MTMR3: variants seen among roughly 807,000 people sequenced by gnomAD.
MTMR3 encodes the protein myotubularin related protein 3.
MTMR3 carries 32 observed loss-of-function variants against 132.4 expected under a neutral mutation model. The ratio of observed to expected loss-of-function variants is 0.24; its 90% CI spans 0.18 to 0.32. The LOEUF (loss-of-function observed/expected upper bound fraction) is 0.32, where lower values mean the gene tolerates loss of function less well. Among genes scored for constraint, MTMR3 ranks in the 10% least tolerant of loss-of-function variants. The pLI is 1.00. For synonymous variants in MTMR3, 556 were observed against 550.3 expected (o/e 1.01, Z -0.14); for missense variants, 1,216 against 1,489.6 (o/e 0.82, Z 3.02).
chr22:29,883,386 C>G (rs1357292432), intron 1 of MTMR3, 27 bp downstream of exon 1: 1 of 156,612 alleles, frequency 6.4e-6, no homozygotes, highest in African/African-American at 2.4e-5. Flanking sequence ...CGTCCTCCGT[C>G]TCCTCGGCGG....
rs542647478 is a variant in MTMR3 at position 30,028,895 on chromosome 22, A to T, written c.*3094A>T. The T allele has an allele frequency of 1.6e-4, 25 of 152,512 alleles. No homozygotes were observed. The highest frequency in any genetic ancestry group is 6.0e-4 in the African/African-American group (25 of 41,584). 9.4% of individuals were successfully genotyped at this position (152,512 alleles called of 1,614,324 possible). A position where few individuals can be genotyped will look rare whatever the true frequency, so the allele number is the denominator to read the frequency against. ...CAGGCAGCCCAGTCTGTGTATTCATATGAAGTTGTGAAAACCATGAGTGTG... is the reference window on the plus strand; with the variant it reads ...CAGGCAGCCCAGTCTGTGTATTCATTTGAAGTTGTGAAAACCATGAGTGTG... On this transcript the variant is annotated 3_prime_UTR_variant, in exon 20 of 20. Coordinates refer to ENST00000401950, the MANE Select transcript of MTMR3 (RefSeq NM_021090.4).
chr22:29,929,803 C>T (rs150130874), intron 1 of MTMR3, among the ~76,000 whole-genome samples: 24 of 152,234 alleles, frequency 1.6e-4, no homozygotes, highest in Non-Finnish European at 1.2e-4. Flanking sequence ...TGAGCCACCG[C>T]GCCCGGCCTC....
At chr22:30,012,942 G>A in intron 13 of MTMR3, 1 of 197,188 alleles carries the variant, frequency 5.1e-6, no homozygotes, top group Non-Finnish European at 1.0e-5. Flanking sequence ...GGTTAAAGAT[G>A]AAAGAAAAAT....
intron 3 of MTMR3, among the ~76,000 whole-genome samples, chr22:29,972,634 G>A (rs2066557624): frequency 6.6e-6 from 1 of 152,106 alleles, no homozygotes; most frequent in South Asian, 2.1e-4. Flanking sequence ...GCAGTGGTGC[G>A]ATCTCGGCTC....
intron 1 of MTMR3, among the ~76,000 whole-genome samples, chr22:29,909,491 A>G (rs2065165720): frequency 6.6e-6 from 1 of 152,150 alleles, no homozygotes; most frequent in African/African-American, 2.4e-5. Flanking sequence ...TGACTTGGGC[A>G]AGTTACCTTA....
chr22:29,921,562 A>G (rs1343124662), intron 1 of MTMR3, among the ~76,000 whole-genome samples: 3 of 152,148 alleles, frequency 2.0e-5, no homozygotes, highest in Admixed American at 2.0e-4. Flanking sequence ...TTTGAATTGT[A>G]CAGTTTTCTG....
intron 1 of MTMR3, among the ~76,000 whole-genome samples, chr22:29,950,449 C>T (rs1289959099): frequency 2.0e-5 from 3 of 151,872 alleles, no homozygotes; most frequent in Admixed American, 6.6e-5. Context: ...CTGCAACCTC[C>T]GCCTCCTGGG....
chr22:29,966,952 T>C (rs1263392285), intron 2 of MTMR3, among the ~76,000 whole-genome samples: 1 of 152,184 alleles, frequency 6.6e-6, no homozygotes, highest in African/African-American at 2.4e-5. Context: ...TTTATATGTT[T>C]CTTACATTCC....
intron 5 of MTMR3, chr22:29,981,025 C>T (rs1396248756): frequency 1.3e-5 from 2 of 152,242 alleles, no homozygotes; most frequent in African/African-American, 2.4e-5. Context: ...TTCTGTTCAT[C>T]TGTCAAAATT....
At chr22:29,932,658 A>T (rs2065669203) in intron 1 of MTMR3, among the ~76,000 whole-genome samples, 1 of 152,232 alleles carries the variant, frequency 6.6e-6, no homozygotes, top group Admixed American at 6.5e-5. Context: ...GAAAATAATG[A>T]AAAAGCAAAA....
chr22:29,903,366 G>T (rs114149622), intron 1 of MTMR3, among the ~76,000 whole-genome samples: 2 of 148,556 alleles, frequency 1.3e-5, no homozygotes, highest in East Asian at 2.0e-4. Context: ...CAGTGTTTTT[G>T]ATTTTCTTTT....
At chr22:29,933,561 A>T (rs972075125) in intron 1 of MTMR3, among the ~76,000 whole-genome samples, 1 of 152,132 alleles carries the variant, frequency 6.6e-6, no homozygotes, top group African/African-American at 2.4e-5. Flanking sequence ...ATTAAAATGC[A>T]TCTTGCTGGC....
Position 30,020,691 on chromosome 22 carries a change from C to T in MTMR3, c.3032C>T (p.Ser1011Phe). The T allele has an allele frequency of 6.2e-7, 1 of 1,614,242 alleles. No individual in the cohort carries two copies. Among genetic ancestry groups the T allele is most frequent in the Non-Finnish European group, 8.5e-7 (1 of 1,180,052 alleles). The part of the protein sequence containing the change: ...PSATSSPDQP[S>F]RSHLDDDGMS... The stretch of plus-strand genomic sequence containing the variant: ...GCAACCAGCAGCCCCGACCAGCCTT[C>T]CCGCAGCCACCTGGACGATGATGGC... The change falls in exon 17 of 20, where the codon TCC (serine) becomes TTC (phenylalanine). Residue 1011 changes from serine (S) to phenylalanine (F), a missense_variant. By Grantham distance (155) the Ser-to-Phe change is radical. This residue lies in a region of MTMR3 where 852 missense variants were observed against 852.0 expected (regional missense o/e 1.00). Coordinates refer to ENST00000401950, the MANE Select transcript of MTMR3 (RefSeq NM_021090.4).
intron 2 of MTMR3, among the ~76,000 whole-genome samples, chr22:29,967,941 G>GTA (rs940425147): frequency 1.4e-4 from 21 of 149,724 alleles, no homozygotes; most frequent in Non-Finnish European, 3.0e-4. Flanking sequence ...GTGTGTGTGT[G>GTA]TGTGTATTTT....
chr22:29,906,314 ATCTATCTATCTATCTATCTG>A lies in MTMR3; in HGVS notation c.-138+22973_-138+22992del, dbSNP rs1568998496. Reference sequence around the variant, plus strand: ...TATCTATCTATCTATCTATCTATCTATCTATCTATCTATCTATCTGTCTATCTATCTATCTATGACGGAGT... The same window carrying A: ...TATCTATCTATCTATCTATCTATCTATCTATCTATCTATCTATGACGGAGT... On this transcript the variant is annotated intron_variant, in intron 1 of 19. Transcript: ENST00000401950. 8.3e-3 allele frequency among the ~76,000 whole-genome samples: 1,054 copies of A among 127,086 alleles called. 11 individuals carry two copies. Among genetic ancestry groups the A allele is most frequent in the African/African-American group, 0.027 (1,020 of 37,992 alleles). 83.4% of individuals were successfully genotyped at this position (127,086 alleles called of 152,430 possible).
intron 19 of MTMR3, chr22:30,023,634 A>G (rs2067826659): frequency 2.2e-6 from 2 of 929,930 alleles, no homozygotes; most frequent in East Asian, 2.5e-5. Flanking sequence ...AGGGGATTCA[A>G]AGCAGCTGAG....
chr22:29,941,622 TTGTGG>T (rs1424492239), intron 1 of MTMR3, among the ~76,000 whole-genome samples: 1 of 152,238 alleles, frequency 6.6e-6, no homozygotes, highest in African/African-American at 2.4e-5. Context: ...GGGTATCTCA[TTGTGG>T]TTTTCATTTT....
At chr22:29,979,872 G>A (rs1440777829) in intron 5 of MTMR3, 1 of 152,194 alleles carries the variant, frequency 6.6e-6, no homozygotes, top group Non-Finnish European at 1.5e-5. Flanking sequence ...TATTACTGAA[G>A]AAAAGGAAGC....
rs936232269 is a variant in MTMR3 at position 30,020,040 on chromosome 22, A to G, written c.2381A>G (p.Glu794Gly). The change falls in exon 17 of 20, where the codon GAG (glutamate) becomes GGG (glycine). Residue 794 changes from glutamate to glycine, a missense_variant. Around this residue, in one of 7 missense-constraint regions of MTMR3, gnomAD observed 852 missense variants for 852.0 expected, o/e 1.00. Transcript: ENST00000401950. ...RGEDSLEVPVEQFRIEEIAEG... is the reference protein window; with the variant it reads ...RGEDSLEVPVGQFRIEEIAEG... ...GAGGATTCCCTGGAGGTCCCTGTGGAGCAGTTTCGAATAGAAGAGATTGCA... is the reference window on the plus strand; with the variant it reads ...GAGGATTCCCTGGAGGTCCCTGTGGGGCAGTTTCGAATAGAAGAGATTGCA... The G allele has an allele frequency of 6.2e-7, 1 of 1,614,114 alleles. No individual in the cohort carries two copies.
Sources: allele counts gnomAD v4.1 joint callset (sites outside exome capture counted in the v4.1 genomes callset), GRCh38; gene constraint gnomAD v4.1.1; regional missense constraint gnomAD v4.1.1; transcripts MANE v1.5; gene names NCBI Gene and HGNC (gene_info 2026-07-23, HGNC 2026-07-21).